FAM135B: variants seen among roughly 807,000 people sequenced by gnomAD.
FAM135B encodes the protein protein FAM135B.
In FAM135B, 43 loss-of-function variants were observed where a neutral mutation model predicts 127.7. The ratio of observed to expected loss-of-function variants is 0.34; its 90% CI spans 0.26 to 0.43. The LOEUF is 0.43. Among genes scored for constraint, FAM135B ranks in the 20% least tolerant of loss-of-function variants. The probability of loss-of-function intolerance (pLI) is 1.00; values close to 1 mark genes in which losing one functional copy is unlikely to be tolerated. For synonymous variants in FAM135B, 670 were observed against 665.1 expected, an observed-to-expected ratio of 1.01 and a Z score of -0.11; for missense variants, 1,558 against 1,725.6, an observed-to-expected ratio of 0.90 and a Z score of 1.72.
At chr8:138,357,672 A>G (rs1830176896) in intron 2 of FAM135B, among the ~76,000 whole-genome samples, 1 of 152,162 alleles carries the variant, frequency 6.6e-6, no homozygotes, top group African/African-American at 2.4e-5. Flanking sequence ...TCATGGGAAA[A>G]AAAAACAAGA....
At chr8:138,370,826 G>C (rs115822666) in intron 1 of FAM135B, among the ~76,000 whole-genome samples, 2,092 of 152,254 alleles carry the variant, frequency 0.014, 48 homozygotes, top group African/African-American at 0.047. Flanking sequence ...CAGAAATCTA[G>C]AGCCATTTGT....
chr8:138,250,834 T>G lies in FAM135B; in HGVS notation c.542+7A>C. ...CCACATATCAGGGCTGCCTCTGAAC[T>G]TCATACCTGATCAATGGCTGCTGCA... On this transcript the variant is annotated splice_region_variant and intron_variant, in intron 6 of 19. Transcript: ENST00000395297. The G allele has an allele frequency of 1.2e-6, 2 of 1,613,480 alleles. No individual in the cohort carries two copies. Among genetic ancestry groups the G allele is most frequent in the Non-Finnish European group, 1.7e-6 (2 of 1,179,934 alleles).
chr8:138,427,083 G>A (rs1036117870), intron 1 of FAM135B, among the ~76,000 whole-genome samples: 7 of 151,894 alleles, frequency 4.6e-5, no homozygotes, highest in African/African-American at 1.7e-4. Context: ...GTATAAACCT[G>A]TTCAAAAATA....
chr8:138,342,301 T>G (rs899101162), intron 2 of FAM135B, among the ~76,000 whole-genome samples: 1 of 151,690 alleles, frequency 6.6e-6, no homozygotes, highest in African/African-American at 2.4e-5. Flanking sequence ...ACCAGAGAGG[T>G]GGAATGACCC....
At chr8:138,347,917 G>A (rs1829521738) in intron 2 of FAM135B, among the ~76,000 whole-genome samples, 1 of 152,066 alleles carries the variant, frequency 6.6e-6, no homozygotes, top group Admixed American at 6.6e-5. Context: ...ATGAGGTTAA[G>A]AAATAAATGA....
At chr8:138,414,677 C>G (rs185183103) in intron 1 of FAM135B, among the ~76,000 whole-genome samples, 4 of 151,992 alleles carry the variant, frequency 2.6e-5, no homozygotes, top group African/African-American at 9.7e-5. Context: ...ACTCTTCAAC[C>G]TAAAAACTGG....
At chr8:138,307,719 A>C (rs1826367213) in intron 3 of FAM135B, among the ~76,000 whole-genome samples, 1 of 130,534 alleles carries the variant, frequency 7.7e-6, no homozygotes, top group South Asian at 2.9e-4. Flanking sequence ...AGGTATGACT[A>C]TCCCCATTGT....
chr8:138,280,883 G>A (rs1235320073), intron 3 of FAM135B, among the ~76,000 whole-genome samples: 1 of 152,092 alleles, frequency 6.6e-6, no homozygotes, highest in Non-Finnish European at 1.5e-5. Flanking sequence ...CGCATGCAGA[G>A]GAGGGGGCTC....
chr8:138,343,632 A>T (rs1401855235), intron 2 of FAM135B, among the ~76,000 whole-genome samples: 2 of 152,222 alleles, frequency 1.3e-5, no homozygotes. Flanking sequence ...TGCCCTGGCC[A>T]GGTACCTTCT....
At chr8:138,233,369 T>C (rs1820041240) in intron 7 of FAM135B, among the ~76,000 whole-genome samples, 1 of 152,142 alleles carries the variant, frequency 6.6e-6, no homozygotes, top group South Asian at 2.1e-4. Flanking sequence ...ATGAACCAAC[T>C]CATATACAAC....
intron 2 of FAM135B, among the ~76,000 whole-genome samples, chr8:138,366,461 T>C (rs555777806): frequency 4.1e-4 from 62 of 152,266 alleles, no homozygotes; most frequent in African/African-American, 1.4e-3. Flanking sequence ...GGTGGACCAA[T>C]GGCAAGAGGA....
At position 138,412,357 on chromosome 8, in the gene FAM135B, T is replaced by G. The variant is rs7838321; in HGVS notation, c.-19-44355A>C. The stretch of plus-strand genomic sequence containing the variant: ...TCCAGCTAAGTCACACCCAGATTCC[T>G]GATCACAGACATTGTGACAAAATAA... On this transcript the variant is annotated intron_variant, in intron 1 of 19. Coordinates refer to ENST00000395297, the MANE Select transcript of FAM135B (RefSeq NM_015912.4). Among the ~76,000 whole-genome samples the G allele has an allele frequency of 7.0e-3, 1,073 of 152,336 alleles. 17 individuals carry two copies. The highest frequency in any genetic ancestry group is 0.025 in the African/African-American group (1,028 of 41,574).
At chr8:138,160,339 G>C (rs1182057626) in intron 12 of FAM135B, among the ~76,000 whole-genome samples, 1 of 151,882 alleles carries the variant, frequency 6.6e-6, no homozygotes, top group Non-Finnish European at 1.5e-5. Flanking sequence ...TCAGTATATG[G>C]GTGGCCTGGG....
At chr8:138,313,363 C>T (rs1826837897) in intron 2 of FAM135B, among the ~76,000 whole-genome samples, 1 of 152,144 alleles carries the variant, frequency 6.6e-6, no homozygotes, top group African/African-American at 2.4e-5. Flanking sequence ...AACTCCTGAC[C>T]TCAGGCAATC....
intron 1 of FAM135B, among the ~76,000 whole-genome samples, chr8:138,407,158 T>C (rs1273617909): frequency 6.7e-6 from 1 of 150,262 alleles, no homozygotes; most frequent in Non-Finnish European, 1.5e-5. Flanking sequence ...CCATTCACAA[T>C]TGCTTCAAAG....
intron 1 of FAM135B, among the ~76,000 whole-genome samples, chr8:138,435,134 T>C (rs961371015): frequency 5.3e-5 from 8 of 151,930 alleles, no homozygotes; most frequent in African/African-American, 1.7e-4. Flanking sequence ...TCATCTCTAC[T>C]AAAAATACAA....
chr8:138,375,910 C>T (rs1831439942), intron 1 of FAM135B, among the ~76,000 whole-genome samples: 1 of 152,142 alleles, frequency 6.6e-6, no homozygotes, highest in African/African-American at 2.4e-5. Context: ...GGAGAGACCT[C>T]AAAATTGTGG....
Position 138,418,329 on chromosome 8 carries a change from A to G in FAM135B, c.-19-50327T>C, listed in dbSNP as rs990395997. Among the ~76,000 whole-genome samples, 8 of 152,190 alleles carry G rather than the reference A, an allele frequency of 5.3e-5. No individual in the cohort carries two copies. In the East Asian group the frequency reaches 7.7e-4, roughly 15 times the overall value. ...AAGACCAAACCTATGACTCATTGGCATCGCAGAAAGAGAGGGAGCAAGCAA... is the reference window on the plus strand; with the variant it reads ...AAGACCAAACCTATGACTCATTGGCGTCGCAGAAAGAGAGGGAGCAAGCAA... On this transcript the variant is annotated intron_variant, in intron 1 of 19. Transcript: ENST00000395297.
chr8:138,177,303 G>A (rs2130963885), intron 11 of FAM135B, 44 bp downstream of exon 11: 1 of 1,575,578 alleles, frequency 6.3e-7, no homozygotes, highest in East Asian at 2.2e-5. Flanking sequence ...CATGTCTTGG[G>A]TGGCTGCTTT....
Sources: gnomAD v4.1 joint callset for allele counts (sites outside exome capture counted in the v4.1 genomes callset) on GRCh38, gnomAD v4.1.1 for gene constraint, MANE v1.5 for transcripts, NCBI Gene and HGNC (gene_info 2026-07-23, HGNC 2026-07-21) for gene names.